Variants in PHLPP1 observed in about 807,000 individuals in gnomAD.
PHLPP1 encodes the protein PH domain and leucine rich repeat protein phosphatase 1.
A neutral mutation model predicts 117.2 loss-of-function variants in PHLPP1; 42 were observed. That is an observed-to-expected ratio of 0.36 (90% CI 0.28 to 0.46). PHLPP1 has a LOEUF of 0.46. Among genes scored for constraint, PHLPP1 ranks in the 20% least tolerant of loss-of-function variants. The pLI, the probability that PHLPP1 is intolerant of heterozygous loss-of-function variation, is 1.00. For missense variants in PHLPP1, 2,084 were observed against 2,241.9 expected (o/e 0.93, Z 1.42); for synonymous variants, 1,042 against 970.7 (o/e 1.07, Z -1.37).
At chr18:62,818,183 GGAAGAGAT>G (rs774718421) in intron 1 of PHLPP1, among the ~76,000 whole-genome samples, 7 of 151,972 alleles carry the variant, frequency 4.6e-5, no homozygotes, top group Non-Finnish European at 8.8e-5. Flanking sequence ...AGAAGTCAGT[GGAAGAGAT>G]CATTCTGAAA....
chr18:62,895,297 T>TCAGGGATC (rs1333261571), intron 5 of PHLPP1, 140 bp downstream of exon 5: 1 of 769,720 alleles, frequency 1.3e-6, no homozygotes, highest in Non-Finnish European at 2.1e-6. Context: ...AGGGACTATG[T>TCAGGGATC]AGTCCGTATG....
At chr18:62,766,087 A>AT (rs1293601898) in intron 1 of PHLPP1, among the ~76,000 whole-genome samples, 1 of 72,098 alleles carries the variant, frequency 1.4e-5, no homozygotes, top group African/African-American at 4.2e-5. Context: ...ATATATATAT[A>AT]TATATATATA....
chr18:62,791,033 C>T (rs764230623), intron 1 of PHLPP1, among the ~76,000 whole-genome samples: 1 of 151,986 alleles, frequency 6.6e-6, no homozygotes, highest in African/African-American at 2.4e-5. Context: ...GAGGAGCTGG[C>T]GACAGACCTG....
At chr18:62,766,437 T>C (rs1378888396) in intron 1 of PHLPP1, among the ~76,000 whole-genome samples, 3 of 152,058 alleles carry the variant, frequency 2.0e-5, no homozygotes, top group Admixed American at 2.0e-4. Context: ...GAACTGGGCC[T>C]GTCTAGTTTC....
chr18:62,967,416 C>T (rs1458523530), intron 14 of PHLPP1, among the ~76,000 whole-genome samples: 1 of 152,144 alleles, frequency 6.6e-6, no homozygotes, highest in Non-Finnish European at 1.5e-5. Context: ...GTGTTATTGT[C>T]AGGTTGTTGT....
intron 1 of PHLPP1, among the ~76,000 whole-genome samples, chr18:62,727,193 A>G (rs1345232796): frequency 2.0e-5 from 3 of 147,496 alleles, no homozygotes; most frequent in Non-Finnish European, 4.5e-5. Flanking sequence ...AAGCCATTGC[A>G]CTCCAGCCTG....
intron 5 of PHLPP1, 52 bp from the exon 6 acceptor site, chr18:62,895,729 A>C (rs1916544060): frequency 1.8e-6 from 2 of 1,111,370 alleles, no homozygotes; most frequent in Admixed American, 1.8e-5. Context: ...GTTGATAATA[A>C]AGATGTAAAA....
intron 1 of PHLPP1, among the ~76,000 whole-genome samples, chr18:62,760,692 C>T (rs1303664406): frequency 6.6e-6 from 1 of 152,028 alleles, no homozygotes; most frequent in East Asian, 1.9e-4. Context: ...AACTAGAGGA[C>T]ATAATTTAAT....
intron 1 of PHLPP1, among the ~76,000 whole-genome samples, chr18:62,727,246 G>T (rs2122054571): frequency 6.7e-6 from 1 of 150,332 alleles, no homozygotes; most frequent in Admixed American, 6.6e-5. Context: ...AAAAAAAAAG[G>T]GAAGGAGGAA....
At chr18:62,924,430 T>C (rs1909564220) in intron 10 of PHLPP1, among the ~76,000 whole-genome samples, 1 of 152,112 alleles carries the variant, frequency 6.6e-6, no homozygotes, top group Admixed American at 6.5e-5. Context: ...AAGCATGTGT[T>C]GTTGGACACA....
chr18:62,840,673 A>G (rs930037542), intron 3 of PHLPP1, among the ~76,000 whole-genome samples: 16 of 152,216 alleles, frequency 1.1e-4, no homozygotes, highest in Non-Finnish European at 4.4e-5. Flanking sequence ...TTCTGTATAG[A>G]GATGTTGATA....
chr18:62,807,501 AC>A (rs1913984897), intron 1 of PHLPP1, among the ~76,000 whole-genome samples: 1 of 152,242 alleles, frequency 6.6e-6, no homozygotes, highest in African/African-American at 2.4e-5. Flanking sequence ...AGATGTTTTT[AC>A]ATTCATGTGT....
At chr18:62,769,011 A>G (rs367960042) in intron 1 of PHLPP1, among the ~76,000 whole-genome samples, 31 of 152,208 alleles carry the variant, frequency 2.0e-4, no homozygotes, top group African/African-American at 7.0e-4. Context: ...AATTAGAAAT[A>G]AACTATTGAA....
chr18:62,842,258 TAACAACCA>T (rs1915072618), intron 3 of PHLPP1, among the ~76,000 whole-genome samples: 1 of 152,182 alleles, frequency 6.6e-6, no homozygotes, highest in African/African-American at 2.4e-5. Flanking sequence ...TTGCTGCTCT[TAACAACCA>T]TGGCAGCCTT....
chr18:62,780,733 G>A (rs1348198004), intron 1 of PHLPP1, among the ~76,000 whole-genome samples: 1 of 152,216 alleles, frequency 6.6e-6, no homozygotes, highest in African/African-American at 2.4e-5. Flanking sequence ...AACCATGCTT[G>A]GAGAACCTCT....
At chr18:62,885,765 A>G (rs1010946504) in intron 4 of PHLPP1, among the ~76,000 whole-genome samples, 5 of 152,278 alleles carry the variant, frequency 3.3e-5, no homozygotes, top group South Asian at 2.1e-4. Flanking sequence ...TTAAGAAACT[A>G]AACACTCTTT....
intron 6 of PHLPP1, among the ~76,000 whole-genome samples, chr18:62,902,447 C>T (rs1357613815): frequency 6.6e-6 from 1 of 152,218 alleles, no homozygotes; most frequent in Non-Finnish European, 1.5e-5. Flanking sequence ...CGTTGTGTGA[C>T]TCCCGTCCAT....
chr18:62,861,790 A>G (rs1568141650), intron 4 of PHLPP1, among the ~76,000 whole-genome samples: 4 of 152,244 alleles, frequency 2.6e-5, no homozygotes, highest in Non-Finnish European at 4.4e-5. Context: ...GTAATTGTGA[A>G]TATCCTTCCT....
At chr18:62,720,960 C>T (rs972361414) in intron 1 of PHLPP1, among the ~76,000 whole-genome samples, 5 of 152,094 alleles carry the variant, frequency 3.3e-5, no homozygotes, top group South Asian at 2.1e-4. Flanking sequence ...TCTGACTCGT[C>T]GTATTTCCGT....
Sources: gnomAD v4.1 joint callset for allele counts (sites outside exome capture counted in the v4.1 genomes callset) on GRCh38, gnomAD v4.1.1 for gene constraint, MANE v1.5 for transcripts, NCBI Gene and HGNC (gene_info 2026-07-23, HGNC 2026-07-21) for gene names.